The following MYOCOS variants were observed in gnomAD, a reference collection of about 807,000 sequenced individuals.
MYOCOS encodes the protein myocilin opposite strand, also known as myocilin opposite strand protein.
intron 2 of MYOCOS, 49 bp downstream of exon 2, chr1:171,624,027 T>C (rs189437365): frequency 2.5e-6 from 1 of 398,526 alleles, no homozygotes; most frequent in African/African-American, 2.1e-5. Flanking sequence ...GGACGGAGCA[T>C]AACACTGAGC....
chr1:171,603,848 A>G (rs1030705704), intron 1 of MYOCOS, among the ~76,000 whole-genome samples: 1 of 152,262 alleles, frequency 6.6e-6, no homozygotes, highest in African/African-American at 2.4e-5. Flanking sequence ...CCCTGTTAGC[A>G]CAAGAAGCAG....
intron 1 of MYOCOS, among the ~76,000 whole-genome samples, chr1:171,609,887 A>G (rs1393126153): frequency 1.3e-5 from 2 of 152,184 alleles, no homozygotes; most frequent in African/African-American, 4.8e-5. Flanking sequence ...ATCTTTCATG[A>G]ATTTGCTGTC....
chr1:171,626,231 T>G (rs535516417), intron 2 of MYOCOS, among the ~76,000 whole-genome samples: 1 of 152,052 alleles, frequency 6.6e-6, no homozygotes, highest in Admixed American at 6.5e-5. Context: ...CACAGGTGCA[T>G]GCTACCATGC....
At chr1:171,622,361 G>A (rs1270927057) in intron 1 of MYOCOS, 29 bp downstream of exon 1, 21 of 152,146 alleles carry the variant, frequency 1.4e-4, no homozygotes, top group Admixed American at 1.3e-3. Context: ...TGCTTTCTAA[G>A]GGCGCAAATC....
chr1:171,619,851 A>G (rs895380858), upstream of MYOCOS, among the ~76,000 whole-genome samples: 16 of 151,248 alleles, frequency 1.1e-4, no homozygotes, highest in Admixed American at 2.6e-4. Flanking sequence ...AAAAGAAAAG[A>G]AAAGGAAAAG....
intron 1 of MYOCOS, among the ~76,000 whole-genome samples, chr1:171,607,717 G>T (rs1388661115): frequency 6.6e-6 from 1 of 152,142 alleles, no homozygotes; most frequent in Non-Finnish European, 1.5e-5. Flanking sequence ...GTCCATATGG[G>T]TTAAGGCAGC....
At chr1:171,613,219 C>T (rs1376124796) in intron 1 of MYOCOS, among the ~76,000 whole-genome samples, 1 of 152,080 alleles carries the variant, frequency 6.6e-6, no homozygotes, top group Non-Finnish European at 1.5e-5. Context: ...CCTGAGGACC[C>T]GATTTATCTT....
chr1:171,611,516 A>G (rs235904), intron 1 of MYOCOS, among the ~76,000 whole-genome samples: 36,503 of 152,124 alleles, frequency 0.24, 5,467 homozygotes, highest in African/African-American at 0.43. Context: ...AGATGAACTT[A>G]CATTGTAATT....
chr1:171,613,883 A>G (rs1031255812), intron 1 of MYOCOS, among the ~76,000 whole-genome samples: 5 of 152,118 alleles, frequency 3.3e-5, no homozygotes, highest in African/African-American at 1.2e-4. Context: ...TGGGAAATGA[A>G]AGCCTCTTTA....
intron 1 of MYOCOS, among the ~76,000 whole-genome samples, chr1:171,603,370 T>A (rs1019492875): frequency 6.6e-6 from 1 of 152,172 alleles, no homozygotes; most frequent in African/African-American, 2.4e-5. Context: ...GGCTATCCCT[T>A]TCACCCTGGC....
At chr1:171,616,559 A>G (rs1572204237) in intron 2 of MYOCOS, among the ~76,000 whole-genome samples, 1 of 152,014 alleles carries the variant, frequency 6.6e-6, no homozygotes, top group African/African-American at 2.4e-5. Flanking sequence ...AAATAACAAC[A>G]ACAACAACAA....
chr1:171,607,433 G>T (rs171005), intron 1 of MYOCOS, among the ~76,000 whole-genome samples: 35,930 of 152,012 alleles, frequency 0.24, 5,263 homozygotes, highest in African/African-American at 0.42. Flanking sequence ...AGGTCCTAGA[G>T]TCCTCAGAGG....
At chr1:171,624,996 A>T (rs767807612) in intron 2 of MYOCOS, among the ~76,000 whole-genome samples, 3 of 152,222 alleles carry the variant, frequency 2.0e-5, no homozygotes, top group Non-Finnish European at 4.4e-5. Flanking sequence ...TATTGATTTG[A>T]AATAGAAAAT....
intron 1 of MYOCOS, among the ~76,000 whole-genome samples, chr1:171,608,673 G>T (rs185739371): frequency 4.9e-4 from 74 of 151,994 alleles, no homozygotes; most frequent in African/African-American, 1.6e-3. Context: ...TGCCCGCCTC[G>T]GCCTCCCAAA....
intron 1 of MYOCOS, among the ~76,000 whole-genome samples, chr1:171,612,179 C>T (rs1361065831): frequency 1.3e-5 from 2 of 152,028 alleles, no homozygotes; most frequent in African/African-American, 2.4e-5. Context: ...CAGATTCAAG[C>T]GATTCTCCTG....
intron 2 of MYOCOS, among the ~76,000 whole-genome samples, chr1:171,624,683 G>C (rs545498408): frequency 6.6e-6 from 1 of 152,060 alleles, no homozygotes; most frequent in Non-Finnish European, 1.5e-5. Flanking sequence ...TCCTGACCTT[G>C]TGATCTGCCC....
chr1:171,607,909 G>A (rs942694194), intron 1 of MYOCOS, among the ~76,000 whole-genome samples: 4 of 152,164 alleles, frequency 2.6e-5, no homozygotes, highest in African/African-American at 9.7e-5. Flanking sequence ...TATTGGACTC[G>A]CAGTTCCATG....
chr1:171,608,510 C>T (rs1482524642), intron 1 of MYOCOS, among the ~76,000 whole-genome samples: 8 of 150,176 alleles, frequency 5.3e-5, no homozygotes, highest in Non-Finnish European at 8.9e-5. Flanking sequence ...CTCCGCCTCC[C>T]GAGTTCACAC....
At chr1:171,603,764 G>T (rs900729022) in intron 1 of MYOCOS, among the ~76,000 whole-genome samples, 1 of 152,222 alleles carries the variant, frequency 6.6e-6, no homozygotes, top group African/African-American at 2.4e-5. Context: ...CAAGGCCAGT[G>T]GCCTATCTCT....
Sources: allele counts gnomAD v4.1 joint callset (sites outside exome capture counted in the v4.1 genomes callset), GRCh38; gene constraint gnomAD v4.1.1; transcripts MANE v1.5; gene names NCBI Gene and HGNC (gene_info 2026-07-23, HGNC 2026-07-21).